Variants in CASK observed in about 807,000 individuals in gnomAD.
CASK encodes peripheral plasma membrane protein CASK.
CASK carries 4 observed loss-of-function variants against 82.9 expected under a neutral mutation model. The ratio of observed to expected loss-of-function variants is 0.05; its 90% CI spans 0.02 to 0.11. The LOEUF (loss-of-function observed/expected upper bound fraction) is 0.11. Among genes scored for constraint, CASK ranks in the 10% least tolerant of loss-of-function variants. The pLI is 1.00. For synonymous variants in CASK, 259 were observed against 253.5 expected (o/e 1.02, Z -0.20); for missense variants, 358 against 720.9 (o/e 0.50, Z 5.76).
chrX:41,831,950 G>C (rs1435815855), intron 2 of CASK, among the ~76,000 whole-genome samples: 6 of 110,437 alleles, frequency 5.4e-5, no homozygotes, highest in Non-Finnish European at 9.5e-5. Flanking sequence ...GACAGAGTAA[G>C]ACTCCGTCTC....
intron 2 of CASK, among the ~76,000 whole-genome samples, chrX:41,789,081 G>A (rs1015921621): frequency 6.3e-5 from 7 of 111,557 alleles, no homozygotes; most frequent in African/African-American, 9.8e-5. Flanking sequence ...GTTTGAACAC[G>A]ATCATATTAG....
chrX:41,615,923 G>A (rs1208649072), intron 11 of CASK, among the ~76,000 whole-genome samples: 2 of 112,088 alleles, frequency 1.8e-5, no homozygotes, highest in Admixed American at 9.5e-5. Flanking sequence ...CACTGTGCTC[G>A]GCCTTTTACC....
chrX:41,791,460 C>T (rs1042685894), intron 2 of CASK, among the ~76,000 whole-genome samples: 27 of 110,657 alleles, frequency 2.4e-4, no homozygotes, highest in Non-Finnish European at 1.5e-4. Flanking sequence ...CAGTGGCTCA[C>T]ACCTGTAATC....
At chrX:41,724,275 A>G (rs2068216734) in intron 5 of CASK, 1 of 112,808 alleles carries the variant, frequency 8.9e-6, no homozygotes, top group African/African-American at 3.2e-5. Flanking sequence ...TAGTTGGCAT[A>G]AACTACTCAT....
chrX:41,696,576 C>A (rs141775756), intron 5 of CASK: 9 of 1,205,813 alleles, frequency 7.5e-6, no homozygotes, highest in East Asian at 3.0e-5. Flanking sequence ...CATGCTGGTT[C>A]TCTCATCTTT....
At chrX:41,596,762 T>A (rs2065827747) in intron 12 of CASK, among the ~76,000 whole-genome samples, 1 of 112,166 alleles carries the variant, frequency 8.9e-6, no homozygotes, top group Admixed American at 9.4e-5. Flanking sequence ...CTGTCTCATA[T>A]TGTCTCACAG....
chrX:41,519,569 TTTC>T lies in CASK; in HGVS notation c.*848_*850del, dbSNP rs2064606677. The T allele has an allele frequency of 9.0e-6, 1 of 110,740 alleles. No individual in the cohort carries two copies. The highest frequency in any genetic ancestry group is 1.9e-5 in the Non-Finnish European group (1 of 52,946). The allele number at this position is 110,740 out of a possible 1,213,427, so 9.1% of individuals were successfully genotyped here. ...CATGATTATTATTAATAAAAATCAG[TTTC>T]TTTTTTTTTATAAAGTTGCCCAAAA... On this transcript the variant is annotated 3_prime_UTR_variant, in exon 27 of 27. Coordinates refer to ENST00000378163, the MANE Select transcript of CASK (RefSeq NM_001367721.1).
intron 5 of CASK, among the ~76,000 whole-genome samples, chrX:41,688,383 G>A (rs1467006934): frequency 8.9e-6 from 1 of 111,952 alleles, no homozygotes; most frequent in Non-Finnish European, 1.9e-5. Context: ...TTACATAGAT[G>A]GACAGATAGT....
At chrX:41,574,905 T>C (rs2065464983) in intron 15 of CASK, among the ~76,000 whole-genome samples, 1 of 112,389 alleles carries the variant, frequency 8.9e-6, no homozygotes, top group Non-Finnish European at 1.9e-5. Context: ...TGTTCCTATT[T>C]TGCAGTTTTC....
chrX:41,573,211 CTT>C (rs367885447), intron 15 of CASK, among the ~76,000 whole-genome samples: 1 of 93,110 alleles, frequency 1.1e-5, no homozygotes, highest in African/African-American at 3.9e-5. Context: ...CAATTTCTTT[CTT>C]TTTTTTTTTG....
intron 15 of CASK, among the ~76,000 whole-genome samples, chrX:41,576,297 T>C (rs753889562): frequency 2.6e-4 from 29 of 111,253 alleles, no homozygotes; most frequent in Middle Eastern, 9.2e-3. Flanking sequence ...TTCTATGTAG[T>C]GAGTCTTCAC....
At chrX:41,652,423 C>T (rs1198356459) in intron 8 of CASK, among the ~76,000 whole-genome samples, 2 of 112,052 alleles carry the variant, frequency 1.8e-5, no homozygotes, top group Admixed American at 9.4e-5. Context: ...TCTACAGCTC[C>T]GTTTCCTGGA....
intron 1 of CASK, among the ~76,000 whole-genome samples, chrX:41,905,433 A>G (rs1335422601): frequency 8.0e-5 from 9 of 112,731 alleles, no homozygotes; most frequent in Admixed American, 7.5e-4. Context: ...CCTAGTGCAC[A>G]TGAAGTGGTA....
At chrX:41,874,208 C>A (rs997816481) in intron 1 of CASK, among the ~76,000 whole-genome samples, 2 of 111,525 alleles carry the variant, frequency 1.8e-5, no homozygotes, top group Non-Finnish European at 3.8e-5. Context: ...TTCTGGGGTA[C>A]ATGTGTAGGA....
chrX:41,606,553 T>C lies in CASK; in HGVS notation c.1155+3351A>G, dbSNP rs140368191. Among the ~76,000 whole-genome samples, 755 of 112,012 alleles carry C rather than the reference T, an allele frequency of 6.7e-3. 10 individuals are homozygous for C. Among genetic ancestry groups the C allele is most frequent in the Admixed American group, 0.045 (472 of 10,565 alleles). ...CAGGCGTGAGTCACCGTACCTGGCCTAAACTTTCATTTAGAAATAGCTCAG... is the reference window on the plus strand; with the variant it reads ...CAGGCGTGAGTCACCGTACCTGGCCCAAACTTTCATTTAGAAATAGCTCAG... On this transcript the variant is annotated intron_variant, in intron 12 of 26. Coordinates refer to ENST00000378163, the MANE Select transcript of CASK (RefSeq NM_001367721.1).
intron 5 of CASK, among the ~76,000 whole-genome samples, chrX:41,674,929 C>CAA (rs753066892): frequency 9.9e-6 from 1 of 100,834 alleles, no homozygotes; most frequent in African/African-American, 3.6e-5. Flanking sequence ...AGGCAAGTAT[C>CAA]AAAAAAAAAA....
At chrX:41,543,312 G>A (rs967653579) in intron 21 of CASK, among the ~76,000 whole-genome samples, 2 of 112,210 alleles carry the variant, frequency 1.8e-5, no homozygotes, top group African/African-American at 3.2e-5. Flanking sequence ...AGTGGGGAAG[G>A]TCTGGCACCA....
chrX:41,551,988 G>A (rs761013126), intron 21 of CASK, among the ~76,000 whole-genome samples: 48 of 106,581 alleles, frequency 4.5e-4, no homozygotes, highest in African/African-American at 7.5e-4. Flanking sequence ...GTGCAGTGGC[G>A]CGATCACGGC....
chrX:41,529,985 A>G (rs1262220999), intron 25 of CASK, among the ~76,000 whole-genome samples: 1 of 112,075 alleles, frequency 8.9e-6, no homozygotes, highest in East Asian at 2.8e-4. Context: ...AGTCTCATAC[A>G]GTGGCCCTTG....
Sources: gnomAD v4.1 joint callset for allele counts (sites outside exome capture counted in the v4.1 genomes callset) on GRCh38, gnomAD v4.1.1 for gene constraint, MANE v1.5 for transcripts, NCBI Gene and HGNC (gene_info 2026-07-23, HGNC 2026-07-21) for gene names.